The following PIBF1 variants were observed in gnomAD, a reference collection of about 807,000 sequenced individuals.
PIBF1 encodes the protein progesterone-induced-blocking factor 1.
Under a neutral mutation model 112.5 loss-of-function variants are expected in PIBF1, and 90 were observed. The observed-to-expected ratio is 0.80, with a 90% CI of 0.67 to 0.95. PIBF1 has a LOEUF of 0.95. PIBF1 is among the 40% of genes least tolerant of loss of function. The probability of loss-of-function intolerance (pLI) is 0.00; values close to 1 mark genes in which losing one functional copy is unlikely to be tolerated. For synonymous variants in PIBF1, 301 were observed against 288.6 expected, an observed-to-expected ratio of 1.04 and a Z score of -0.44; for missense variants, 915 against 852.3, an observed-to-expected ratio of 1.07 and a Z score of -0.92.
chr13:72,936,943 CTTTAA>C (rs1341742248), intron 14 of PIBF1, among the ~76,000 whole-genome samples: 5 of 152,030 alleles, frequency 3.3e-5, no homozygotes, highest in Non-Finnish European at 7.4e-5. Context: ...TTTACGTCTT[CTTTAA>C]TTTATCTTAA....
intron 10 of PIBF1, among the ~76,000 whole-genome samples, chr13:72,873,734 A>G (rs1307009438): frequency 6.6e-6 from 1 of 150,660 alleles, no homozygotes; most frequent in Non-Finnish European, 1.5e-5. Context: ...TAGTTGGGGG[A>G]CAAAAAGAAA....
At chr13:72,948,605 C>A (rs2042212074) in intron 14 of PIBF1, among the ~76,000 whole-genome samples, 1 of 152,216 alleles carries the variant, frequency 6.6e-6, no homozygotes, top group African/African-American at 2.4e-5. Flanking sequence ...CCCCACTACC[C>A]AGTACTGATT....
chr13:72,833,282 C>T (rs1483847554), intron 8 of PIBF1, among the ~76,000 whole-genome samples: 1 of 152,140 alleles, frequency 6.6e-6, no homozygotes, highest in African/African-American at 2.4e-5. Context: ...ATTCATGAAA[C>T]TCATTCACCG....
chr13:72,914,056 C>T (rs2040996003), intron 12 of PIBF1, among the ~76,000 whole-genome samples: 1 of 152,076 alleles, frequency 6.6e-6, no homozygotes, highest in African/African-American at 2.4e-5. Context: ...TTTAGTACTA[C>T]ATTGTGTACA....
chr13:72,862,350 A>AC (rs1228731873), intron 10 of PIBF1, among the ~76,000 whole-genome samples: 1 of 152,158 alleles, frequency 6.6e-6, no homozygotes, highest in Non-Finnish European at 1.5e-5. Context: ...ATGCCTATAG[A>AC]CCCAGGTACT....
At chr13:72,903,832 A>G (rs530498912) in intron 11 of PIBF1, among the ~76,000 whole-genome samples, 3 of 152,304 alleles carry the variant, frequency 2.0e-5, no homozygotes, top group South Asian at 4.1e-4. Flanking sequence ...TTTAGGCTCA[A>G]CAGACCTAAG....
At chr13:72,784,128 T>TA (rs1166276962) in intron 2 of PIBF1, among the ~76,000 whole-genome samples, 1 of 152,152 alleles carries the variant, frequency 6.6e-6, no homozygotes, top group Non-Finnish European at 1.5e-5. Flanking sequence ...TTTAATTAGC[T>TA]AGAGTTAACC....
At chr13:72,966,009 T>C (rs1009230813) in intron 15 of PIBF1, among the ~76,000 whole-genome samples, 9 of 152,198 alleles carry the variant, frequency 5.9e-5, no homozygotes, top group Admixed American at 5.9e-4. Flanking sequence ...TATGTGTAAA[T>C]GAAACAGTTT....
At chr13:72,854,962 A>G (rs1489726391) in intron 10 of PIBF1, among the ~76,000 whole-genome samples, 1 of 152,184 alleles carries the variant, frequency 6.6e-6, no homozygotes, top group Non-Finnish European at 1.5e-5. Context: ...GATGGGCATT[A>G]TGGTAAATAT....
chr13:73,004,085 G>A (rs2043956473), intron 17 of PIBF1, among the ~76,000 whole-genome samples: 1 of 152,118 alleles, frequency 6.6e-6, no homozygotes, highest in Admixed American at 6.6e-5. Context: ...CTGTGGTTTT[G>A]GAGGACTCTA....
At chr13:72,856,511 A>G (rs2038429558) in intron 10 of PIBF1, among the ~76,000 whole-genome samples, 1 of 152,216 alleles carries the variant, frequency 6.6e-6, no homozygotes, top group Non-Finnish European at 1.5e-5. Flanking sequence ...CACCACTAAA[A>G]ATAACCCTTG....
At chr13:72,791,128 C>T (rs886742255) in intron 2 of PIBF1, among the ~76,000 whole-genome samples, 5 of 152,034 alleles carry the variant, frequency 3.3e-5, no homozygotes, top group African/African-American at 1.2e-4. Flanking sequence ...GATCTCAGCT[C>T]ACTGCAACCT....
chr13:72,856,863 C>G (rs1347871758), intron 10 of PIBF1, among the ~76,000 whole-genome samples: 1 of 152,104 alleles, frequency 6.6e-6, no homozygotes, highest in African/African-American at 2.4e-5. Context: ...TGAAACTTGA[C>G]AAACCAACAC....
chr13:72,840,845 G>T (rs1477530604), intron 9 of PIBF1, among the ~76,000 whole-genome samples: 1 of 152,130 alleles, frequency 6.6e-6, no homozygotes, highest in Non-Finnish European at 1.5e-5. Flanking sequence ...ATTTTCTAAA[G>T]AAACTGAAAT....
chr13:72,978,496 T>C (rs75497275), intron 16 of PIBF1, among the ~76,000 whole-genome samples: 15,629 of 152,304 alleles, frequency 0.1, 1,091 homozygotes, highest in Non-Finnish European at 0.15. Flanking sequence ...ATTGCGTATA[T>C]TCCAGGAAAA....
intron 17 of PIBF1, among the ~76,000 whole-genome samples, chr13:73,002,456 T>TA (rs903093879): frequency 2.3e-4 from 35 of 152,190 alleles, no homozygotes; most frequent in African/African-American, 8.0e-4. Flanking sequence ...CAGCCTCACT[T>TA]ATCTCTTTCT....
At chr13:73,006,090 T>C (rs2044026019) in intron 17 of PIBF1, among the ~76,000 whole-genome samples, 1 of 151,980 alleles carries the variant, frequency 6.6e-6, no homozygotes, top group Non-Finnish European at 1.5e-5. Context: ...CAATAATTTT[T>C]GTGTTTTTAG....
At chr13:72,857,240 T>G (rs970776541) in intron 10 of PIBF1, among the ~76,000 whole-genome samples, 1 of 152,190 alleles carries the variant, frequency 6.6e-6, no homozygotes, top group East Asian at 1.9e-4. Context: ...TACACCAAGA[T>G]AAATTTCATA....
intron 5 of PIBF1, among the ~76,000 whole-genome samples, chr13:72,807,574 CAA>C (rs11363047): frequency 1.3e-5 from 2 of 151,012 alleles, no homozygotes; most frequent in Admixed American, 6.6e-5. Context: ...GAGTTTGTCT[CAA>C]AAAAAAAAAT....
Sources: gnomAD v4.1 joint callset for allele counts (sites outside exome capture counted in the v4.1 genomes callset) on GRCh38, gnomAD v4.1.1 for gene constraint, MANE v1.5 for transcripts, NCBI Gene and HGNC (gene_info 2026-07-23, HGNC 2026-07-21) for gene names.